ERCC2: variants seen among roughly 807,000 people sequenced by gnomAD.
ERCC2 encodes ERCC excision repair 2, TFIIH core complex helicase subunit.
A neutral mutation model predicts 99.4 loss-of-function variants in ERCC2; 90 were observed. That is an observed-to-expected ratio of 0.91 (90% CI 0.76 to 1.08). The LOEUF (loss-of-function observed/expected upper bound fraction) is 1.08, where lower values mean the gene tolerates loss of function less well. ERCC2 is among the 50% of genes least tolerant of loss of function. The probability of loss-of-function intolerance (pLI) is 0.00; values close to 1 mark genes in which losing one functional copy is unlikely to be tolerated. For synonymous variants in ERCC2, 497 were observed against 432.4 expected (o/e 1.15, Z -1.85); for missense variants, 993 against 1,038.1 (o/e 0.96, Z 0.60).
rs879832796 is a variant in ERCC2, at chr19:45,350,915, C to T, written c.*714G>A. 29 of 1,606,826 alleles carry T rather than the reference C, an allele frequency of 1.8e-5. No homozygotes were observed. Among genetic ancestry groups the T allele is most frequent in the Non-Finnish European group, 2.4e-5 (28 of 1,173,562 alleles). On this transcript the variant is annotated 3_prime_UTR_variant, in exon 23 of 23. Coordinates refer to ENST00000391945, the MANE Select transcript of ERCC2 (RefSeq NM_000400.4). ...GGTCCCTCGTGGAGGGGGGCCACTCCTGGATTCACTCATTTCCTCCCTGCT... is the reference window on the plus strand; with the variant it reads ...GGTCCCTCGTGGAGGGGGGCCACTCTTGGATTCACTCATTTCCTCCCTGCT...
rs558802285 is a variant in ERCC2, at chr19:45,351,188, G to T, written c.*441C>A. ...TTTTACTTGGGGTAGAGGCGAGGGG[G>T]TTGGATAGTTGGCTGCCAGGCTGGA... On this transcript the variant is annotated 3_prime_UTR_variant, in exon 23 of 23. Transcript: ENST00000391945. 6.3e-7 allele frequency: 1 copy of T among 1,584,936 alleles called. No homozygotes were observed. Among genetic ancestry groups the T allele is most frequent in the Non-Finnish European group, 8.6e-7 (1 of 1,165,146 alleles).
chr19:45,356,198 G>A (rs1972006508), intron 15 of ERCC2, among the ~76,000 whole-genome samples: 1 of 152,152 alleles, frequency 6.6e-6, no homozygotes, highest in Non-Finnish European at 1.5e-5. Context: ...CATGCCGGCG[G>A]GCATCCCACC....
intron 19 of ERCC2, 123 bp from the exon 20 acceptor site, chr19:45,352,939 C>G: frequency 2.4e-6 from 3 of 1,232,470 alleles, no homozygotes; most frequent in Non-Finnish European, 2.4e-6. Context: ...CCGCCGGGTG[C>G]CTAGGGACAG....
rs920042505 is a variant in ERCC2, at chr19:45,354,994, G to A, written c.1544-143C>T. 28 of 1,057,290 alleles carry A rather than the reference G, an allele frequency of 2.6e-5. No homozygotes were observed. In the Admixed American group the frequency reaches 5.1e-4, roughly 19 times the overall value. The allele number at this position is 1,057,290 out of a possible 1,614,324, so 65.5% of individuals were successfully genotyped here. ...TCCCCCTCCTCCTCCTCCCGGGCGT[G>A]TCTGAGGACCCGCCTTGCCACTTCC... is the stretch of plus-strand genomic sequence containing the variant. On this transcript the variant is annotated intron_variant, in intron 16 of 22. Coordinates refer to ENST00000391945, the MANE Select transcript of ERCC2 (RefSeq NM_000400.4).
At chr19:45,358,666 T>C (rs1972099466) in intron 12 of ERCC2, 1 of 624,932 alleles carries the variant, frequency 1.6e-6, no homozygotes. Context: ...GGCTGCTCCA[T>C]TTGGTCATCT....
intron 2 of ERCC2, 76 bp from the exon 3 acceptor site, chr19:45,369,223 G>T: frequency 1.8e-6 from 2 of 1,140,524 alleles, no homozygotes; most frequent in South Asian, 1.2e-5. Flanking sequence ...GACTCTCCCC[G>T]ACCCCCAATG....
At chr19:45,370,108 C>A (rs574303806) in intron 2 of ERCC2, 25 bp downstream of exon 2, 16 of 1,610,384 alleles carry the variant, frequency 9.9e-6, no homozygotes, top group East Asian at 2.2e-5. Flanking sequence ...GTCGAGTGGG[C>A]GGGTCGGGCC....
intron 12 of ERCC2, among the ~76,000 whole-genome samples, chr19:45,359,266 G>A (rs1252776760): frequency 1.3e-5 from 2 of 152,208 alleles, no homozygotes; most frequent in Admixed American, 1.3e-4. Context: ...ACCATGAGGT[G>A]TTGGCAGATG....
intron 12 of ERCC2, chr19:45,359,008 G>T: frequency 1.5e-6 from 1 of 648,756 alleles, no homozygotes; most frequent in South Asian, 1.8e-5. Context: ...ACACAGTGGT[G>T]ACCAAGCCAG....
At chr19:45,360,378 G>A (rs1025366865) in intron 12 of ERCC2, among the ~76,000 whole-genome samples, 11 of 100,570 alleles carry the variant, frequency 1.1e-4, no homozygotes, top group Admixed American at 4.8e-4. Context: ...CACCACGCCC[G>A]GCCTTTTTTT....
intron 12 of ERCC2, chr19:45,358,547 C>T (rs1972094200): frequency 4.9e-6 from 2 of 409,756 alleles, no homozygotes; most frequent in South Asian, 2.6e-5. Flanking sequence ...CCTCCCATGG[C>T]CCCCACATGC....
intron 4 of ERCC2, 29 bp from the exon 5 acceptor site, chr19:45,368,772 C>G: frequency 1.3e-6 from 2 of 1,578,954 alleles, no homozygotes; most frequent in Non-Finnish European, 1.7e-6. Flanking sequence ...GCAGGGGGAG[C>G]TTGTGCTCAT....
intron 2 of ERCC2, 69 bp from the exon 3 acceptor site, chr19:45,369,216 T>G (rs1599751527): frequency 7.8e-7 from 1 of 1,282,328 alleles, no homozygotes; most frequent in Non-Finnish European, 1.1e-6. Context: ...CTCTGGGGAC[T>G]CTCCCCGACC....
chr19:45,363,370 G>C (rs1479294445), intron 11 of ERCC2, among the ~76,000 whole-genome samples: 1 of 152,076 alleles, frequency 6.6e-6, no homozygotes, highest in East Asian at 1.9e-4. Context: ...GCCCCCACCA[G>C]TTGGTTCTCA....
rs866260593 is a variant in ERCC2, at chr19:45,350,975, C to T, written c.*654G>A. 1.2e-6 allele frequency: 2 copies of T among 1,614,092 alleles called. No homozygotes were observed. Among genetic ancestry groups the T allele is most frequent in the South Asian group, 1.1e-5 (1 of 91,076 alleles). On this transcript the variant is annotated 3_prime_UTR_variant, in exon 23 of 23. Coordinates refer to ENST00000391945, the MANE Select transcript of ERCC2 (RefSeq NM_000400.4). ...GCAGAATGAAGAGAGCCATGTCACT[C>T]AACACACTGAACGTGGATGCTCCAA... is the stretch of plus-strand genomic sequence containing the variant.
chr19:45,355,265 G>A (rs1971974074), intron 16 of ERCC2, among the ~76,000 whole-genome samples: 1 of 152,248 alleles, frequency 6.6e-6, no homozygotes. Context: ...GCTGAGGCAT[G>A]AGAATCGCTT....
At position 45,364,107 on chromosome 19, in the gene ERCC2, T is replaced by A. The variant is rs745860111; in HGVS notation, c.828A>T (p.Thr276=). 6.2e-7 allele frequency: 1 copy of A among 1,610,728 alleles called. No homozygotes were observed. The highest frequency in any genetic ancestry group is 1.7e-5 in the Admixed American group (1 of 59,788). ...ACTCGTCCCGCAGGCGCTGCTCGTC[T>A]GTCTCTTTGATCCTGCGGAGAGATG... The part of the protein sequence containing the change: ...LQKTVLRIKE[T]DEQRLRDEYR... Residue 276 remains threonine, a synonymous_variant, in exon 10 of 23, where the codon ACA becomes ACT. Transcript: ENST00000391945.
rs746423195 is a variant in ERCC2 at position 45,350,785 on chromosome 19, A to G, written c.*844T>C. ...CAGGTCGGCAAAGAGCCCTGACATC[A>G]GCAGAATCCACAGCCCACCCCACCC... On this transcript the variant is annotated 3_prime_UTR_variant, in exon 23 of 23. Transcript: ENST00000391945. The G allele has an allele frequency of 6.4e-7, 1 of 1,565,496 alleles. No homozygotes were observed. The highest frequency in any genetic ancestry group is 1.2e-5 in the South Asian group (1 of 86,720).
chr19:45,364,263 G>C lies in ERCC2; in HGVS notation c.787C>G (p.Leu263Val). ...AGCACCGTCTTCTGCAGGGTCTCCA[G>C]GTTGCCCTGGCACCGGTCAAGGGTC... The part of the protein sequence containing the change: ...RRTLDRCQGN[L>V]ETLQKTVLRI... The change falls in exon 9 of 23, where the codon CTG (leucine) becomes GTG (valine). Residue 263 changes from leucine to valine, a missense_variant. Leu to Val is a conservative substitution (Grantham distance 32). This residue lies in a region of ERCC2 where 909 missense variants were observed against 930.8 expected (regional missense o/e 0.98). Coordinates refer to ENST00000391945, the MANE Select transcript of ERCC2 (RefSeq NM_000400.4). The C allele has an allele frequency of 6.2e-7, 1 of 1,613,976 alleles. No individual in the cohort carries two copies. Among genetic ancestry groups the C allele is most frequent in the East Asian group, 2.2e-5 (1 of 44,880 alleles).
Sources: allele counts gnomAD v4.1 joint callset (sites outside exome capture counted in the v4.1 genomes callset), GRCh38; gene constraint gnomAD v4.1.1; regional missense constraint gnomAD v4.1.1; transcripts MANE v1.5; gene names NCBI Gene and HGNC (gene_info 2026-07-23, HGNC 2026-07-21).